Variants in LHFPL3 observed in about 807,000 individuals in gnomAD.
LHFPL3 encodes the protein LHFPL tetraspan subfamily member 3 protein.
A neutral mutation model predicts 19.3 loss-of-function variants in LHFPL3; 5 were observed. The observed-to-expected ratio is 0.26, with a 90% CI of 0.14 to 0.54. LHFPL3 has a LOEUF of 0.54. LHFPL3 is among the 20% of genes least tolerant of loss of function. The probability of loss-of-function intolerance (pLI) is 0.94; values close to 1 mark genes in which losing one functional copy is unlikely to be tolerated. For synonymous variants in LHFPL3, 133 were observed against 126.2 expected, an observed-to-expected ratio of 1.05 and a Z score of -0.36; for missense variants, 249 against 307.4, an observed-to-expected ratio of 0.81 and a Z score of 1.42.
Position 104,644,939 on chromosome 7 carries a change from C to A in LHFPL3, c.446-91736C>A, listed in dbSNP as rs556563294. 2.0e-5 allele frequency among the ~76,000 whole-genome samples: 3 copies of A among 152,162 alleles called. No homozygotes were observed. The East Asian group carries it at 5.8e-4, about 29-fold the overall frequency. ...AAAAATAGTGTTGAGGACCATTAAC[C>A]CAGGTCTCTTCTCTATTACACCACC... On this transcript the variant is annotated intron_variant, in intron 1 of 2. Coordinates refer to ENST00000424859, the MANE Select transcript of LHFPL3 (RefSeq NM_199000.3).
At chr7:104,452,137 G>C (rs1353803523) in intron 1 of LHFPL3, among the ~76,000 whole-genome samples, 1 of 151,786 alleles carries the variant, frequency 6.6e-6, no homozygotes, top group Non-Finnish European at 1.5e-5. Context: ...GCTAACATTT[G>C]GTATTCTTTC....
chr7:104,538,308 A>T (rs966230610), intron 1 of LHFPL3, among the ~76,000 whole-genome samples: 10 of 152,174 alleles, frequency 6.6e-5, no homozygotes, highest in Non-Finnish European at 1.2e-4. Context: ...CCGAGGTGCT[A>T]AAAATACACT....
chr7:104,795,458 T>C (rs992966269), intron 2 of LHFPL3, among the ~76,000 whole-genome samples: 7 of 152,202 alleles, frequency 4.6e-5, no homozygotes, highest in African/African-American at 1.7e-4. Flanking sequence ...GCGATTCTTC[T>C]AACAGTTTGT....
At chr7:104,518,333 G>A (rs1432958438) in intron 1 of LHFPL3, among the ~76,000 whole-genome samples, 2 of 152,048 alleles carry the variant, frequency 1.3e-5, no homozygotes, top group South Asian at 2.1e-4. Flanking sequence ...CTTTAGAGAA[G>A]TATGATAGAA....
chr7:104,782,610 G>T (rs955326886), intron 2 of LHFPL3, among the ~76,000 whole-genome samples: 5 of 152,208 alleles, frequency 3.3e-5, no homozygotes, highest in Non-Finnish European at 4.4e-5. Flanking sequence ...ATTATCCACA[G>T]TGAAGCCAGA....
chr7:104,731,291 T>C (rs1457944873), intron 1 of LHFPL3, among the ~76,000 whole-genome samples: 19 of 134,358 alleles, frequency 1.4e-4, no homozygotes, highest in East Asian at 6.9e-4. Flanking sequence ...GGGGATGGCA[T>C]TGAATCTACG....
chr7:104,842,310 A>C (rs1791231122), intron 2 of LHFPL3, among the ~76,000 whole-genome samples: 3 of 146,236 alleles, frequency 2.1e-5, no homozygotes, highest in East Asian at 2.0e-4. Flanking sequence ...GGGTGGGGGG[A>C]GGCTTTTTCC....
At chr7:104,874,700 C>T (rs12665943) in intron 2 of LHFPL3, among the ~76,000 whole-genome samples, 43,594 of 151,908 alleles carry the variant, frequency 0.29, 6,369 homozygotes, top group South Asian at 0.36. Flanking sequence ...TGAGCCACCG[C>T]GCCCAGCTGG....
chr7:104,694,573 G>T (rs1397005963), intron 1 of LHFPL3, among the ~76,000 whole-genome samples: 1 of 152,062 alleles, frequency 6.6e-6, no homozygotes, highest in Non-Finnish European at 1.5e-5. Flanking sequence ...ATAAACAAAG[G>T]TTTGTGGACA....
intron 1 of LHFPL3, among the ~76,000 whole-genome samples, chr7:104,450,165 A>G (rs1182047208): frequency 6.6e-6 from 1 of 152,182 alleles, no homozygotes; most frequent in Non-Finnish European, 1.5e-5. Context: ...TCCTGAGCCT[A>G]TCAGAAATCT....
chr7:104,679,444 A>G (rs1792652387), intron 1 of LHFPL3, among the ~76,000 whole-genome samples: 1 of 152,230 alleles, frequency 6.6e-6, no homozygotes, highest in African/African-American at 2.4e-5. Flanking sequence ...TTCAAGAGGT[A>G]GGGAGTTAGG....
At chr7:104,368,864 A>G (rs1200554389) in intron 1 of LHFPL3, among the ~76,000 whole-genome samples, 1 of 152,220 alleles carries the variant, frequency 6.6e-6, no homozygotes, top group Non-Finnish European at 1.5e-5. Context: ...CATACATATA[A>G]TATTTAATTT....
intron 1 of LHFPL3, among the ~76,000 whole-genome samples, chr7:104,511,488 A>G (rs1793811523): frequency 6.6e-6 from 1 of 152,162 alleles, no homozygotes; most frequent in African/African-American, 2.4e-5. Flanking sequence ...AGAAATGAAG[A>G]CTTGTGTTTA....
chr7:104,675,800 G>A (rs1250763399), intron 1 of LHFPL3, among the ~76,000 whole-genome samples: 1 of 152,062 alleles, frequency 6.6e-6, no homozygotes, highest in African/African-American at 2.4e-5. Context: ...ATTATTTTCA[G>A]GATGGAAGAC....
intron 1 of LHFPL3, among the ~76,000 whole-genome samples, chr7:104,726,801 A>G (rs539638726): frequency 1.5e-4 from 23 of 152,314 alleles, no homozygotes; most frequent in Non-Finnish European, 3.2e-4. Flanking sequence ...ATATGCATGC[A>G]TGTGTCTTTA....
At chr7:104,529,406 T>C (rs1454305522) in intron 1 of LHFPL3, among the ~76,000 whole-genome samples, 1 of 152,176 alleles carries the variant, frequency 6.6e-6, no homozygotes, top group Admixed American at 6.5e-5. Context: ...TAGGCTCTTT[T>C]GAGGGTTATG....
At chr7:104,676,290 T>C (rs1254578363) in intron 1 of LHFPL3, among the ~76,000 whole-genome samples, 1 of 152,186 alleles carries the variant, frequency 6.6e-6, no homozygotes, top group Non-Finnish European at 1.5e-5. Flanking sequence ...ATCCCTGGCA[T>C]AGAAATAACT....
intron 1 of LHFPL3, among the ~76,000 whole-genome samples, chr7:104,456,088 A>G (rs1286712537): frequency 6.6e-6 from 1 of 152,188 alleles, no homozygotes; most frequent in Non-Finnish European, 1.5e-5. Flanking sequence ...TCGGCTCTAC[A>G]TAAACAAATA....
At chr7:104,690,117 C>T (rs902770845) in intron 1 of LHFPL3, among the ~76,000 whole-genome samples, 2 of 152,246 alleles carry the variant, frequency 1.3e-5, no homozygotes, top group Non-Finnish European at 2.9e-5. Flanking sequence ...CCAACACATC[C>T]CCATTCAACT....
Sources: gnomAD v4.1 joint callset for allele counts (sites outside exome capture counted in the v4.1 genomes callset) on GRCh38, gnomAD v4.1.1 for gene constraint, MANE v1.5 for transcripts, NCBI Gene and HGNC (gene_info 2026-07-23, HGNC 2026-07-21) for gene names.